The following IMMP2L variants were observed in gnomAD, a reference collection of about 807,000 sequenced individuals.
IMMP2L encodes inner mitochondrial membrane peptidase subunit 2.
In IMMP2L, 18 loss-of-function variants were observed where a neutral mutation model predicts 19.3. The observed-to-expected ratio is 0.93, with a 90% CI of 0.64 to 1.38. IMMP2L has a LOEUF of 1.38. Ranked by LOEUF, IMMP2L falls within the 40% of genes most tolerant of loss-of-function variation. IMMP2L has a pLI of 0.00. For missense variants in IMMP2L, 233 were observed against 218.2 expected, an observed-to-expected ratio of 1.07 and a Z score of -0.43; for synonymous variants, 76 against 73.0, an observed-to-expected ratio of 1.04 and a Z score of -0.21.
intron 5 of IMMP2L, among the ~76,000 whole-genome samples, chr7:110,715,478 T>C (rs1795177065): frequency 1.3e-5 from 2 of 152,212 alleles, no homozygotes; most frequent in African/African-American, 4.8e-5. Flanking sequence ...CTGGTTTTCA[T>C]TTATTTCAAA....
At chr7:110,946,995 CA>C (rs969274909) in intron 4 of IMMP2L, among the ~76,000 whole-genome samples, 1 of 152,136 alleles carries the variant, frequency 6.6e-6, no homozygotes, top group Non-Finnish European at 1.5e-5. Flanking sequence ...GCTGGGATTA[CA>C]GGCGTGAGCC....
intron 3 of IMMP2L, among the ~76,000 whole-genome samples, chr7:111,013,803 T>A (rs980850851): frequency 1.3e-5 from 2 of 152,206 alleles, no homozygotes; most frequent in Admixed American, 6.5e-5. Flanking sequence ...ATATCTTGAT[T>A]AAACATTAAG....
chr7:111,366,930 C>A (rs193242993), intron 3 of IMMP2L, among the ~76,000 whole-genome samples: 1 of 151,894 alleles, frequency 6.6e-6, no homozygotes, highest in East Asian at 1.9e-4. Context: ...CTTGCTAAGT[C>A]CTAGCTTTAG....
intron 2 of IMMP2L, among the ~76,000 whole-genome samples, chr7:111,506,132 G>A (rs991151056): frequency 6.6e-6 from 1 of 151,284 alleles, no homozygotes; most frequent in African/African-American, 2.4e-5. Context: ...AGCTGTCCAG[G>A]ACTTCGAGGC....
At chr7:110,738,837 G>T (rs1796811468) in intron 5 of IMMP2L, among the ~76,000 whole-genome samples, 1 of 152,166 alleles carries the variant, frequency 6.6e-6, no homozygotes, top group Non-Finnish European at 1.5e-5. Flanking sequence ...TTCTGTAATG[G>T]AAAACCTATC....
At chr7:110,873,620 A>T (rs191437692) in intron 5 of IMMP2L, among the ~76,000 whole-genome samples, 1 of 151,188 alleles carries the variant, frequency 6.6e-6, no homozygotes, top group East Asian at 2.0e-4. Flanking sequence ...AAAAAAAAAA[A>T]AAAATTAGCC....
At chr7:111,353,729 A>T (rs1160263650) in intron 3 of IMMP2L, among the ~76,000 whole-genome samples, 1 of 152,184 alleles carries the variant, frequency 6.6e-6, no homozygotes, top group Non-Finnish European at 1.5e-5. Flanking sequence ...ATATATACAT[A>T]AATATACACA....
chr7:111,281,193 A>G (rs1032608926), intron 3 of IMMP2L, among the ~76,000 whole-genome samples: 3 of 58,176 alleles, frequency 5.2e-5, no homozygotes, highest in African/African-American at 2.1e-4. Flanking sequence ...AAAGAAAGAA[A>G]GAAAGAAAGA....
At chr7:111,047,174 T>TG (rs1792480990) in intron 3 of IMMP2L, among the ~76,000 whole-genome samples, 5 of 14,458 alleles carry the variant, frequency 3.5e-4, no homozygotes, top group African/African-American at 5.4e-4. Context: ...ATGTCTTTTT[T>TG]GTTTTTTTTT....
chr7:111,187,288 T>C (rs1586740628), intron 3 of IMMP2L, among the ~76,000 whole-genome samples: 1 of 152,066 alleles, frequency 6.6e-6, no homozygotes, highest in East Asian at 1.9e-4. Context: ...AGCAACTGCA[T>C]AGACAAGACA....
At chr7:111,489,691 G>A (rs964898376) in intron 2 of IMMP2L, among the ~76,000 whole-genome samples, 4 of 152,016 alleles carry the variant, frequency 2.6e-5, no homozygotes, top group African/African-American at 9.7e-5. Context: ...TTTGATCCAG[G>A]GTTTTGCAGC....
At chr7:111,011,337 T>G (rs2129563613) in intron 3 of IMMP2L, among the ~76,000 whole-genome samples, 1 of 152,218 alleles carries the variant, frequency 6.6e-6, no homozygotes, top group Non-Finnish European at 1.5e-5. Flanking sequence ...CCTAGAGAAA[T>G]ATTGCTCATG....
chr7:111,279,344 T>C (rs1448414454), intron 3 of IMMP2L, among the ~76,000 whole-genome samples: 1 of 152,112 alleles, frequency 6.6e-6, no homozygotes, highest in Non-Finnish European at 1.5e-5. Context: ...TATGACCTTA[T>C]TTGGAAAAAG....
chr7:111,311,519 T>C (rs1285176475), intron 3 of IMMP2L, among the ~76,000 whole-genome samples: 1 of 152,102 alleles, frequency 6.6e-6, no homozygotes, highest in Non-Finnish European at 1.5e-5. Context: ...TCCTGGTAAA[T>C]GACTGAGATC....
intron 3 of IMMP2L, among the ~76,000 whole-genome samples, chr7:111,023,884 G>A (rs1233916264): frequency 6.6e-6 from 1 of 152,154 alleles, no homozygotes; most frequent in Non-Finnish European, 1.5e-5. Flanking sequence ...AAATTTTCAA[G>A]AGGTGAAATA....
chr7:111,544,873 G>GA (rs767156166), intron 1 of IMMP2L, among the ~76,000 whole-genome samples: 6 of 151,370 alleles, frequency 4.0e-5, no homozygotes, highest in Non-Finnish European at 7.4e-5. Context: ...AAAACAGGCA[G>GA]AAAATTAAAG....
At chr7:111,207,015 T>G (rs1271897055) in intron 3 of IMMP2L, among the ~76,000 whole-genome samples, 4 of 152,212 alleles carry the variant, frequency 2.6e-5, no homozygotes, top group Non-Finnish European at 5.9e-5. Context: ...CAAAAAACAT[T>G]TTTAAGATTT....
At chr7:111,238,643 C>G (rs1814627762) in intron 3 of IMMP2L, among the ~76,000 whole-genome samples, 1 of 151,870 alleles carries the variant, frequency 6.6e-6, no homozygotes, top group African/African-American at 2.4e-5. Context: ...AAAGACCCCT[C>G]AAAAGGTAAA....
intron 3 of IMMP2L, among the ~76,000 whole-genome samples, chr7:111,099,134 C>T (rs1035596997): frequency 2.6e-5 from 4 of 151,614 alleles, no homozygotes; most frequent in South Asian, 4.1e-4. Context: ...ATTTTTCCAT[C>T]GAGTGGAAGT....
Sources: gnomAD v4.1 joint callset for allele counts (sites outside exome capture counted in the v4.1 genomes callset) on GRCh38, gnomAD v4.1.1 for gene constraint, MANE v1.5 for transcripts, NCBI Gene and HGNC (gene_info 2026-07-23, HGNC 2026-07-21) for gene names.